MYO3A: variants seen among roughly 807,000 people sequenced by gnomAD.
The protein encoded by MYO3A is myosin IIIA.
Under a neutral mutation model 192.7 loss-of-function variants are expected in MYO3A, and 180 were observed. The observed-to-expected ratio is 0.93, with a 90% CI of 0.83 to 1.06. The LOEUF (loss-of-function observed/expected upper bound fraction) is 1.06. MYO3A is among the 50% of genes least tolerant of loss of function. The pLI is 0.00. For missense variants in MYO3A, 1,896 were observed against 1,905.0 expected, an observed-to-expected ratio of 1.00 and a Z score of 0.09; for synonymous variants, 628 against 645.3, an observed-to-expected ratio of 0.97 and a Z score of 0.41.
intron 28 of MYO3A, among the ~76,000 whole-genome samples, chr10:26,170,045 A>G (rs2132015430): frequency 6.6e-6 from 1 of 152,366 alleles, no homozygotes; most frequent in South Asian, 2.1e-4. Context: ...GAATTCTCAA[A>G]TATACAATCT....
At chr10:26,196,669 TTCTG>T (rs1193693867) in intron 32 of MYO3A, among the ~76,000 whole-genome samples, 1 of 152,170 alleles carries the variant, frequency 6.6e-6, no homozygotes, top group Admixed American at 6.5e-5. Context: ...ACCAAACACT[TTCTG>T]TAATTTTAAA....
intron 6 of MYO3A, among the ~76,000 whole-genome samples, chr10:26,012,907 G>A (rs190596938): frequency 1.8e-4 from 28 of 152,224 alleles, no homozygotes; most frequent in Admixed American, 1.6e-3. Flanking sequence ...AAACAGCATG[G>A]TACAGGTATA....
intron 31 of MYO3A, among the ~76,000 whole-genome samples, chr10:26,187,389 G>A (rs1842915750): frequency 6.6e-6 from 1 of 152,184 alleles, no homozygotes; most frequent in Non-Finnish European, 1.5e-5. Flanking sequence ...GAGGCTAGAA[G>A]TTCAAGATCA....
intron 5 of MYO3A, among the ~76,000 whole-genome samples, 185 bp from the exon 6 acceptor site, chr10:25,996,974 A>G (rs1840486196): frequency 6.6e-6 from 1 of 152,212 alleles, no homozygotes; most frequent in Admixed American, 6.5e-5. Context: ...TGATTCTGTG[A>G]ATTTTTATAT....
At chr10:26,032,573 G>C (rs180817473) in intron 10 of MYO3A, among the ~76,000 whole-genome samples, 153 of 151,976 alleles carry the variant, frequency 1.0e-3, no homozygotes, top group African/African-American at 3.4e-3. Context: ...CCCAGATCAT[G>C]CCATTGCACT....
intron 2 of MYO3A, among the ~76,000 whole-genome samples, chr10:25,947,372 T>C (rs959447902): frequency 6.7e-6 from 1 of 150,044 alleles, no homozygotes; most frequent in Non-Finnish European, 1.5e-5. Flanking sequence ...TAAGATGGTA[T>C]TATTTCTTTT....
intron 17 of MYO3A, among the ~76,000 whole-genome samples, chr10:26,108,460 A>G (rs750634386): frequency 6.6e-6 from 1 of 152,236 alleles, no homozygotes; most frequent in Non-Finnish European, 1.5e-5. Context: ...CAATATATAA[A>G]GTGTAGAAAT....
intron 24 of MYO3A, among the ~76,000 whole-genome samples, chr10:26,154,468 C>T (rs188297968): frequency 2.6e-5 from 4 of 152,292 alleles, no homozygotes; most frequent in African/African-American, 4.8e-5. Context: ...GCATGAGCCA[C>T]CATGCCTAGC....
chr10:26,124,226 G>GT (rs1839061110), intron 18 of MYO3A, among the ~76,000 whole-genome samples: 4 of 148,414 alleles, frequency 2.7e-5, no homozygotes, highest in African/African-American at 9.9e-5. Context: ...ACATATTTAC[G>GT]TATTTTGAAA....
intron 14 of MYO3A, among the ~76,000 whole-genome samples, chr10:26,082,616 A>G (rs755220716): frequency 1.3e-5 from 2 of 152,188 alleles, no homozygotes; most frequent in Non-Finnish European, 2.9e-5. Context: ...TATATATACT[A>G]TTTTTTCCTA....
intron 32 of MYO3A, among the ~76,000 whole-genome samples, chr10:26,197,573 G>C (rs946906409): frequency 2.0e-5 from 3 of 152,030 alleles, no homozygotes; most frequent in Non-Finnish European, 4.4e-5. Flanking sequence ...TGTTGGTGGT[G>C]GTGGTTTTGA....
chr10:26,130,557 T>C (rs2131764727), intron 20 of MYO3A, among the ~76,000 whole-genome samples: 1 of 152,296 alleles, frequency 6.6e-6, no homozygotes, highest in South Asian at 2.1e-4. Context: ...AACTCAAAAT[T>C]TCCCCCAACA....
intron 10 of MYO3A, among the ~76,000 whole-genome samples, chr10:26,042,063 T>C (rs190231367): frequency 6.6e-6 from 1 of 152,268 alleles, no homozygotes; most frequent in East Asian, 1.9e-4. Context: ...TTCTCCTTCA[T>C]GTTTAAAGGG....
intron 17 of MYO3A, among the ~76,000 whole-genome samples, chr10:26,103,875 A>C (rs1447265579): frequency 6.6e-6 from 1 of 152,202 alleles, no homozygotes; most frequent in African/African-American, 2.4e-5. Flanking sequence ...CATTTTGATT[A>C]TAGTGATTCT....
chr10:26,173,333 T>C (rs535239111), intron 29 of MYO3A, among the ~76,000 whole-genome samples: 28 of 152,342 alleles, frequency 1.8e-4, no homozygotes, highest in South Asian at 1.4e-3. Context: ...CTACTAAAGG[T>C]ACTTTGTTTT....
At chr10:25,990,961 C>T (rs1458227107) in intron 4 of MYO3A, among the ~76,000 whole-genome samples, 2 of 152,048 alleles carry the variant, frequency 1.3e-5, no homozygotes, top group East Asian at 1.9e-4. Flanking sequence ...TGAGTAGTGC[C>T]GCAATAAACA....
At chr10:25,968,564 A>G (rs1838405735) in intron 4 of MYO3A, among the ~76,000 whole-genome samples, 2 of 152,200 alleles carry the variant, frequency 1.3e-5, no homozygotes, top group Admixed American at 6.5e-5. Context: ...TAGAACTACA[A>G]TTATAACTCT....
At chr10:26,151,772 C>G (rs924426830) in intron 23 of MYO3A, among the ~76,000 whole-genome samples, 1 of 152,204 alleles carries the variant, frequency 6.6e-6, no homozygotes, top group Non-Finnish European at 1.5e-5. Flanking sequence ...TTCCCTCACT[C>G]GCTGCATTTC....
intron 10 of MYO3A, among the ~76,000 whole-genome samples, chr10:26,061,033 A>T (rs1302920527): frequency 6.6e-6 from 1 of 151,874 alleles, no homozygotes; most frequent in Admixed American, 6.6e-5. Context: ...GGTTCATGCC[A>T]TTCTCCTGCC....
Sources: gnomAD v4.1 joint callset for allele counts (sites outside exome capture counted in the v4.1 genomes callset) on GRCh38, gnomAD v4.1.1 for gene constraint, MANE v1.5 for transcripts, NCBI Gene and HGNC (gene_info 2026-07-23, HGNC 2026-07-21) for gene names.